Variants in UBE4B observed in about 807,000 individuals in gnomAD.
UBE4B encodes ubiquitin conjugation factor E4 B.
Under a neutral mutation model 148.1 loss-of-function variants are expected in UBE4B, and 27 were observed. The observed-to-expected ratio is 0.18, with a 90% CI of 0.13 to 0.25. The LOEUF (loss-of-function observed/expected upper bound fraction) is 0.25, where lower values mean the gene tolerates loss of function less well. Ranked by LOEUF, UBE4B falls within the 10% of genes least tolerant of loss-of-function variation. UBE4B has a pLI of 1.00. For synonymous variants in UBE4B, 596 were observed against 619.3 expected, an observed-to-expected ratio of 0.96 and a Z score of 0.56; for missense variants, 1,170 against 1,662.4, an observed-to-expected ratio of 0.70 and a Z score of 5.15.
chr1:10,103,818 G>A (rs143814870), intron 5 of UBE4B, among the ~76,000 whole-genome samples: 1,794 of 152,128 alleles, frequency 0.012, 23 homozygotes, highest in Non-Finnish European at 0.017. Context: ...AGTAGAGACA[G>A]GGTTTCACCA....
intron 7 of UBE4B, among the ~76,000 whole-genome samples, chr1:10,111,471 A>T (rs1192943561): frequency 6.6e-6 from 1 of 151,878 alleles, no homozygotes; most frequent in East Asian, 1.9e-4. Flanking sequence ...GTGGCCACTG[A>T]CCTCATTGTC....
intron 1 of UBE4B, chr1:10,059,457 C>A: frequency 4.7e-6 from 1 of 213,706 alleles, no homozygotes; most frequent in East Asian, 1.1e-4. Flanking sequence ...CTCCTGGCAG[C>A]AGCTTTTCTG....
chr1:10,118,529 A>C (rs1271876929), intron 8 of UBE4B, among the ~76,000 whole-genome samples: 1 of 142,088 alleles, frequency 7.0e-6, no homozygotes, highest in South Asian at 2.2e-4. Flanking sequence ...TTTGAGACGG[A>C]GTTTCACTCT....
intron 22 of UBE4B, among the ~76,000 whole-genome samples, chr1:10,160,470 A>G (rs1345971997): frequency 6.6e-6 from 1 of 152,158 alleles, no homozygotes; most frequent in African/African-American, 2.4e-5. Flanking sequence ...TCTGGGAAGC[A>G]GGGTGGGGGA....
At chr1:10,120,123 A>T (rs1298037586) in intron 9 of UBE4B, among the ~76,000 whole-genome samples, 2 of 152,120 alleles carry the variant, frequency 1.3e-5, no homozygotes, top group African/African-American at 2.4e-5. Flanking sequence ...GTTTTTAAAA[A>T]TTTTTTTTCT....
chr1:10,144,733 T>TAAAA (rs765648505), intron 17 of UBE4B, among the ~76,000 whole-genome samples: 1 of 136,052 alleles, frequency 7.4e-6, no homozygotes, highest in Non-Finnish European at 1.6e-5. Flanking sequence ...GACTCTGTCT[T>TAAAA]AAAAAAAAAA....
intron 2 of UBE4B, among the ~76,000 whole-genome samples, chr1:10,089,503 G>GAA (rs113766750): frequency 1.5e-5 from 2 of 134,522 alleles, no homozygotes. Context: ...ACATGTCTCT[G>GAA]AAAAAAAAAA....
At position 10,141,639 on chromosome 1, in the gene UBE4B, A is replaced by G. The variant is rs147242366; in HGVS notation, c.2364-3301A>G. Among the ~76,000 whole-genome samples the G allele has an allele frequency of 7.2e-5, 11 of 152,258 alleles. 1 individual carries two copies. The South Asian group carries it at 1.0e-3, about 14-fold the overall frequency. ...CAAATATGTGCTTCTGTTGCATCCAATTTTGTAATAATGCCATAAGGACAG... is the reference window on the plus strand; with the variant it reads ...CAAATATGTGCTTCTGTTGCATCCAGTTTTGTAATAATGCCATAAGGACAG... On this transcript the variant is annotated intron_variant, in intron 17 of 27. Coordinates refer to ENST00000343090, the MANE Select transcript of UBE4B (RefSeq NM_001105562.3).
At chr1:10,140,017 G>A (rs954836951) in intron 17 of UBE4B, among the ~76,000 whole-genome samples, 4 of 152,026 alleles carry the variant, frequency 2.6e-5, no homozygotes, top group Non-Finnish European at 4.4e-5. Context: ...CACTGCACCC[G>A]GCCCATTTTA....
intron 1 of UBE4B, among the ~76,000 whole-genome samples, chr1:10,050,258 G>T (rs1644007890): frequency 6.6e-6 from 1 of 152,222 alleles, no homozygotes; most frequent in Non-Finnish European, 1.5e-5. Flanking sequence ...GTTTAGTAGA[G>T]ACCAGGTTTT....
intron 1 of UBE4B, among the ~76,000 whole-genome samples, chr1:10,064,878 C>T (rs1570809539): frequency 6.6e-6 from 1 of 152,110 alleles, no homozygotes. Context: ...ATTCTCCTGC[C>T]TCAGCCTCCT....
At chr1:10,039,111 A>C (rs187525463) in intron 1 of UBE4B, among the ~76,000 whole-genome samples, 70 of 152,128 alleles carry the variant, frequency 4.6e-4, no homozygotes, top group Non-Finnish European at 7.8e-4. Flanking sequence ...CAAAAAAGCA[A>C]TTATAATTAA....
At chr1:10,043,398 A>G (rs1389368618) in intron 1 of UBE4B, among the ~76,000 whole-genome samples, 1 of 144,924 alleles carries the variant, frequency 6.9e-6, no homozygotes, top group African/African-American at 2.6e-5. Flanking sequence ...TCACATTTTA[A>G]TATCTTTGAA....
chr1:10,037,088 C>T (rs564529014), intron 1 of UBE4B, among the ~76,000 whole-genome samples: 10 of 152,212 alleles, frequency 6.6e-5, no homozygotes, highest in African/African-American at 2.2e-4. Context: ...AGTGCAATGG[C>T]GCGATCTTGG....
chr1:10,123,550 A>C (rs1645445071), intron 10 of UBE4B, among the ~76,000 whole-genome samples: 1 of 152,032 alleles, frequency 6.6e-6, no homozygotes, highest in African/African-American at 2.4e-5. Flanking sequence ...CATTTGAGGA[A>C]TCGAGTAGTT....
intron 2 of UBE4B, among the ~76,000 whole-genome samples, chr1:10,092,697 G>A (rs1376925858): frequency 6.6e-6 from 1 of 151,988 alleles, no homozygotes; most frequent in African/African-American, 2.4e-5. Context: ...GCATGGTGGC[G>A]CATGCCTGTA....
intron 1 of UBE4B, among the ~76,000 whole-genome samples, chr1:10,043,298 C>A (rs1044319497): frequency 3.3e-5 from 5 of 151,836 alleles, no homozygotes; most frequent in African/African-American, 1.2e-4. Flanking sequence ...TGTGAGCCAC[C>A]GCACCCGGCC....
At chr1:10,087,941 C>T (rs78508549) in intron 2 of UBE4B, among the ~76,000 whole-genome samples, 2,212 of 152,292 alleles carry the variant, frequency 0.015, 24 homozygotes, top group East Asian at 0.034. Context: ...TCAGTATGAA[C>T]TCACACACAT....
At chr1:10,093,437 T>G (rs1197410996) in intron 2 of UBE4B, among the ~76,000 whole-genome samples, 1 of 152,224 alleles carries the variant, frequency 6.6e-6, no homozygotes, top group Non-Finnish European at 1.5e-5. Flanking sequence ...TGTATTTTAC[T>G]TGAGTCCTAG....
Sources: allele counts gnomAD v4.1 joint callset (sites outside exome capture counted in the v4.1 genomes callset), GRCh38; gene constraint gnomAD v4.1.1; transcripts MANE v1.5; gene names NCBI Gene and HGNC (gene_info 2026-07-23, HGNC 2026-07-21).